The following CRACD variants were observed in gnomAD, a reference collection of about 807,000 sequenced individuals.
CRACD encodes capping protein-inhibiting regulator of actin dynamics.
In CRACD, 56 loss-of-function variants were observed where a neutral mutation model predicts 106.8. That is an observed-to-expected ratio of 0.52 (90% CI 0.42 to 0.66). The LOEUF is 0.66. Among genes scored for constraint, CRACD ranks in the 30% least tolerant of loss-of-function variants. The pLI is 0.00. For missense variants in CRACD, 1,730 were observed against 1,623.2 expected (o/e 1.07, Z -1.13); for synonymous variants, 754 against 670.8 (o/e 1.12, Z -1.92).
In CRACD at chr4:56,316,018, A is replaced by G. The variant is rs777563522; in HGVS notation, c.2516A>G (p.Glu839Gly). 1.2e-6 allele frequency: 2 copies of G among 1,614,208 alleles called. No homozygotes were observed. The highest frequency in any genetic ancestry group is 3.3e-5 in the Admixed American group (2 of 60,034). ...CCAGACCCTGTGATGCCAGGTGGAG[A>G]GGAAAAAGCCTCACCGTTTGGAATA... is the stretch of plus-strand genomic sequence containing the variant. The part of the protein sequence containing the change: ...AKPDPVMPGG[E>G]EKASPFGIKL... Residue 839 changes from glutamate to glycine, a missense_variant, in exon 8 of 11, where the codon GAG becomes GGG. This residue lies in a region of CRACD where 1,620 missense variants were observed against 1,481.6 expected (regional missense o/e 1.09). Transcript: ENST00000682029.
intron 1 of CRACD, among the ~76,000 whole-genome samples, chr4:56,054,925 TA>T (rs1434165369): frequency 7.9e-5 from 12 of 152,222 alleles, no homozygotes; most frequent in Non-Finnish European, 1.5e-4. Flanking sequence ...GTGGCGTACT[TA>T]GGGGATTGAG....
At chr4:56,113,252 G>C (rs1001220816) in intron 1 of CRACD, among the ~76,000 whole-genome samples, 1 of 152,104 alleles carries the variant, frequency 6.6e-6, no homozygotes, top group Non-Finnish European at 1.5e-5. Flanking sequence ...GTTCTATTGT[G>C]TGTTGCTGAC....
intron 1 of CRACD, among the ~76,000 whole-genome samples, chr4:56,113,170 T>C (rs1389019373): frequency 6.6e-6 from 1 of 152,202 alleles, no homozygotes; most frequent in Admixed American, 6.5e-5. Context: ...TTGTGTTCTT[T>C]TGAGTTTCTG....
At chr4:56,313,138 G>A (rs1404390652) in intron 6 of CRACD, 59 bp from the exon 7 acceptor site, 9 of 1,486,334 alleles carry the variant, frequency 6.1e-6, no homozygotes, top group South Asian at 2.4e-5. Context: ...ACCGTTCTGC[G>A]ATTCCCTGCA....
intron 1 of CRACD, among the ~76,000 whole-genome samples, chr4:56,168,122 T>C (rs1736218296): frequency 6.6e-6 from 1 of 152,226 alleles, no homozygotes; most frequent in East Asian, 1.9e-4. Flanking sequence ...GTAGAGAGTA[T>C]AGACAATTTT....
rs542337213 is a variant in CRACD at position 56,092,659 on chromosome 4, G to A, written c.-336+43360G>A. Among the ~76,000 whole-genome samples, 33 of 152,038 alleles carry A rather than the reference G, an allele frequency of 2.2e-4. 1 individual carries two copies. In the South Asian group the frequency reaches 6.4e-3, roughly 30 times the overall value. On this transcript the variant is annotated intron_variant, in intron 1 of 10. Transcript: ENST00000682029. Reference sequence around the variant, plus strand: ...ACTCTGTCGCCCAGGCTGGAGTGCAGTGTGTGATCATACATCGTTGTAGCC... The same window carrying A: ...ACTCTGTCGCCCAGGCTGGAGTGCAATGTGTGATCATACATCGTTGTAGCC...
chr4:56,126,905 GT>G (rs1734678245), intron 1 of CRACD, among the ~76,000 whole-genome samples: 1 of 152,116 alleles, frequency 6.6e-6, no homozygotes, highest in Non-Finnish European at 1.5e-5. Flanking sequence ...GTTACTGTTT[GT>G]TTGTTTTCTA....
At position 56,290,894 on chromosome 4, in the gene CRACD, A is replaced by G. The variant is rs73163640; in HGVS notation, c.-16-7320A>G. ...ATGAAAACTGTGAAAACTGTTGCTC[A>G]GATACCAGTGCTGTTCTGAACTTCC... On this transcript the variant is annotated intron_variant, in intron 3 of 10. Coordinates refer to ENST00000682029, the MANE Select transcript of CRACD (RefSeq NM_001393381.1). 2.8e-3 allele frequency among the ~76,000 whole-genome samples: 427 copies of G among 152,334 alleles called. 5 individuals carry two copies. The highest frequency in any genetic ancestry group is 1.0e-2 in the African/African-American group (415 of 41,574).
intron 1 of CRACD, among the ~76,000 whole-genome samples, chr4:56,099,485 C>T (rs888162939): frequency 6.6e-6 from 1 of 152,156 alleles, no homozygotes; most frequent in African/African-American, 2.4e-5. Context: ...TATCCTTCAG[C>T]CGCTCACACT....
At chr4:56,280,875 C>T (rs1258057638) in intron 3 of CRACD, among the ~76,000 whole-genome samples, 6 of 152,138 alleles carry the variant, frequency 3.9e-5, no homozygotes, top group East Asian at 1.9e-4. Context: ...GACCTTGCTG[C>T]GTTTCAGAGG....
At chr4:56,133,821 C>T (rs1734903995) in intron 1 of CRACD, among the ~76,000 whole-genome samples, 1 of 151,996 alleles carries the variant, frequency 6.6e-6, no homozygotes, top group South Asian at 2.1e-4. Flanking sequence ...AGAATAAATA[C>T]CATGGAAGGG....
At chr4:56,070,466 A>G (rs1732605913) in intron 1 of CRACD, among the ~76,000 whole-genome samples, 1 of 151,906 alleles carries the variant, frequency 6.6e-6, no homozygotes, top group African/African-American at 2.4e-5. Context: ...CATCCGGCTA[A>G]TTTTTTGTAT....
chr4:56,201,008 A>C (rs1410457342), intron 2 of CRACD, among the ~76,000 whole-genome samples: 1 of 152,216 alleles, frequency 6.6e-6, no homozygotes, highest in Non-Finnish European at 1.5e-5. Context: ...AAAAATACTG[A>C]TTTCTAAAAC....
At chr4:56,121,787 C>T (rs1374091922) in intron 1 of CRACD, among the ~76,000 whole-genome samples, 1 of 151,688 alleles carries the variant, frequency 6.6e-6, no homozygotes, top group African/African-American at 2.4e-5. Flanking sequence ...TGCAAACTAA[C>T]TTATCTGTAG....
chr4:56,311,852 G>C (rs952518037), intron 6 of CRACD, among the ~76,000 whole-genome samples: 1 of 152,210 alleles, frequency 6.6e-6, no homozygotes, highest in Admixed American at 6.5e-5. Context: ...CCCTTTGCTT[G>C]CTGCCAGCCT....
chr4:56,264,967 C>T (rs1446491737), intron 2 of CRACD, among the ~76,000 whole-genome samples: 1 of 152,234 alleles, frequency 6.6e-6, no homozygotes. Flanking sequence ...CTTCTTTCCT[C>T]TTGTCACTGG....
At chr4:56,190,990 T>C (rs77631069) in intron 2 of CRACD, among the ~76,000 whole-genome samples, 6,378 of 152,250 alleles carry the variant, frequency 0.042, 353 homozygotes, top group African/African-American at 0.12. Flanking sequence ...TTATGCGGAT[T>C]ACAATTCAAG....
At chr4:56,256,556 A>G (rs944748472) in intron 2 of CRACD, among the ~76,000 whole-genome samples, 3 of 152,334 alleles carry the variant, frequency 2.0e-5, no homozygotes, top group Non-Finnish European at 2.9e-5. Context: ...ATGAAGCCTG[A>G]GCTGCCTACT....
intron 1 of CRACD, among the ~76,000 whole-genome samples, chr4:56,094,092 A>G (rs1560448965): frequency 6.6e-6 from 1 of 152,218 alleles, no homozygotes; most frequent in Admixed American, 6.5e-5. Flanking sequence ...ATTGAGTCCA[A>G]TGTTAGAAAA....
Sources: allele counts gnomAD v4.1 joint callset (sites outside exome capture counted in the v4.1 genomes callset), GRCh38; gene constraint gnomAD v4.1.1; regional missense constraint gnomAD v4.1.1; transcripts MANE v1.5; gene names NCBI Gene and HGNC (gene_info 2026-07-23, HGNC 2026-07-21).